Variants in LSM2 observed in about 807,000 individuals in gnomAD.
The protein encoded by LSM2 is LSM2 homolog, U6 small nuclear RNA and mRNA degradation associated, also known as U6 snRNA-associated Sm-like protein LSm2.
Under a neutral mutation model 17.0 loss-of-function variants are expected in LSM2, and 12 were observed. The observed-to-expected ratio is 0.70, with a 90% CI of 0.45 to 1.14. The LOEUF is 1.14. LSM2 is among the 50% of genes most tolerant of loss of function. LSM2 has a pLI of 0.00. For missense variants in LSM2, 62 were observed against 111.8 expected (o/e 0.55, Z 2.01); for synonymous variants, 42 against 44.5 (o/e 0.94, Z 0.22).
chr6:31,806,894 G>T lies in LSM2; in HGVS notation c.-137C>A. Reference sequence around the variant, plus strand: ...GGCGCAGCGGGAAGCGACGCAGAAAGCTCCAAGCGCTGACGGGCAAAGCGC... The same window carrying T: ...GGCGCAGCGGGAAGCGACGCAGAAATCTCCAAGCGCTGACGGGCAAAGCGC... On this transcript the variant is annotated 5_prime_UTR_variant, in exon 1 of 5. Transcript: ENST00000375661. 8.4e-7 allele frequency: 1 copy of T among 1,196,538 alleles called. No individual in the cohort carries two copies. The highest frequency in any genetic ancestry group is 1.1e-6 in the Non-Finnish European group (1 of 875,894). The allele number at this position is 1,196,538 out of a possible 1,614,324, so 74.1% of individuals were successfully genotyped here.
chr6:31,801,455 A>AG (rs1814698224), intron 2 of LSM2, among the ~76,000 whole-genome samples: 2 of 152,258 alleles, frequency 1.3e-5, no homozygotes, highest in Admixed American at 1.3e-4. Context: ...TCCCTTAAGG[A>AG]GGGGGAGATA....
chr6:31,806,819 T>A lies in LSM2; in HGVS notation c.-62A>T, dbSNP rs1359832235. Reference sequence around the variant, plus strand: ...GACAGCAGGGTGCTGCGAGCAGGTCTGGGGAAACCGAAGCGCGAGCCCGCG... The same window carrying A: ...GACAGCAGGGTGCTGCGAGCAGGTCAGGGGAAACCGAAGCGCGAGCCCGCG... On this transcript the variant is annotated 5_prime_UTR_variant, in exon 1 of 5. Coordinates refer to ENST00000375661, the MANE Select transcript of LSM2 (RefSeq NM_021177.5). The A allele has an allele frequency of 6.4e-7, 1 of 1,550,406 alleles. No individual in the cohort carries two copies. The highest frequency in any genetic ancestry group is 1.4e-5 in the African/African-American group (1 of 71,434).
chr6:31,803,827 G>A (rs1288942878), intron 2 of LSM2, among the ~76,000 whole-genome samples: 2 of 151,894 alleles, frequency 1.3e-5, no homozygotes, highest in Non-Finnish European at 1.5e-5. Flanking sequence ...GCATCCACCC[G>A]CCTCGACTTC....
Position 31,806,138 on chromosome 6 carries a change from A to G in LSM2, c.8T>C (p.Phe3Ser). ML[F>S]YSFFKSLVGK... ...CACAAGGGACTTGAAAAAAGAATAG[A>G]AGAGCTATTGGGAGAGAGGGGGAAA... is the stretch of plus-strand genomic sequence containing the variant. The change falls in exon 2 of 5, where the codon TTC (phenylalanine) becomes TCC (serine). Residue 3 changes from phenylalanine to serine, a missense_variant. Transcript: ENST00000375661. 1 of 1,612,858 alleles carries G rather than the reference A, an allele frequency of 6.2e-7. No individual in the cohort carries two copies. Among genetic ancestry groups the G allele is most frequent in the South Asian group, 1.1e-5 (1 of 91,070 alleles).
Position 31,806,785 on chromosome 6 carries a change from G to A in LSM2, c.-28C>T, listed in dbSNP as rs1815067697. 5 of 1,607,720 alleles carry A rather than the reference G, an allele frequency of 3.1e-6. No individual in the cohort carries two copies. The highest frequency in any genetic ancestry group is 2.7e-5 in the African/African-American group (2 of 74,794). On this transcript the variant is annotated 5_prime_UTR_variant, in exon 1 of 5. Transcript: ENST00000375661. ...TGCTGGCGCCGCGGGCAGCGGGCCG[G>A]ACCGGGAAGACAGCAGGGTGCTGCG... is the stretch of plus-strand genomic sequence containing the variant.
At chr6:31,798,435 C>T (rs1378916877) in intron 3 of LSM2, 42 bp downstream of exon 3, 7 of 1,611,736 alleles carry the variant, frequency 4.3e-6, no homozygotes, top group Non-Finnish European at 5.9e-6. Flanking sequence ...TCTCCCCTCT[C>T]CTTCTCCAGG....
Position 31,797,814 on chromosome 6 carries a change from G to A in LSM2, c.231C>T (p.Val77=), listed in dbSNP as rs529554774. 4 of 1,612,960 alleles carry A rather than the reference G, an allele frequency of 2.5e-6. No individual in the cohort carries two copies. Among genetic ancestry groups the A allele is most frequent in the South Asian group, 1.1e-5 (1 of 91,082 alleles). ...VRYVQLPADE[V]DTQLLQDAAR... is the part of the protein sequence containing the mutation. The stretch of plus-strand genomic sequence containing the variant: ...CCGCATCCTGTAGCAACTGTGTGTC[G>A]ACCTCATCTGCTGGCAGCTGCACGT... Residue 77 remains valine, a synonymous_variant, in exon 5 of 5, where the codon GTC becomes GTT. Coordinates refer to ENST00000375661, the MANE Select transcript of LSM2 (RefSeq NM_021177.5).
chr6:31,806,154 G>A lies in LSM2; in HGVS notation c.4-12C>T. On this transcript the variant is annotated splice_polypyrimidine_tract_variant and intron_variant, in intron 1 of 4. Coordinates refer to ENST00000375661, the MANE Select transcript of LSM2 (RefSeq NM_021177.5). ...AAAGAATAGAAGAGCTATTGGGAGA[G>A]AGGGGGAAAACCATCATGTGGGAAG... is the stretch of plus-strand genomic sequence containing the variant. 1 of 1,612,470 alleles carries A rather than the reference G, an allele frequency of 6.2e-7. No individual in the cohort carries two copies. The highest frequency in any genetic ancestry group is 8.5e-7 in the Non-Finnish European group (1 of 1,179,558).
intron 2 of LSM2, among the ~76,000 whole-genome samples, chr6:31,800,436 G>GT (rs1429191563): frequency 6.6e-6 from 1 of 152,132 alleles, no homozygotes; most frequent in Non-Finnish European, 1.5e-5. Flanking sequence ...CCCAATTTTT[G>GT]TAAAATTCTG....
intron 1 of LSM2, chr6:31,806,425 C>CCT (rs927119600): frequency 1.7e-6 from 1 of 599,844 alleles, no homozygotes; most frequent in African/African-American, 1.9e-5. Context: ...TTCTCGGGTA[C>CCT]CTGCCCACTC....
chr6:31,799,457 C>T (rs1814572089), intron 2 of LSM2, among the ~76,000 whole-genome samples: 1 of 152,100 alleles, frequency 6.6e-6, no homozygotes, highest in African/African-American at 2.4e-5. Context: ...CCCAGGTTCA[C>T]GCCATTCTCC....
At chr6:31,806,599 CAG>C (rs2151454547) in intron 1 of LSM2, 154 bp downstream of exon 1, 1 of 998,526 alleles carries the variant, frequency 1.0e-6, no homozygotes, top group East Asian at 2.6e-5. Flanking sequence ...CATTTGTTCT[CAG>C]TGCCTCCTCA....
chr6:31,797,926 C>T, intron 4 of LSM2, 44 bp from the exon 5 acceptor site: 1 of 1,612,668 alleles, frequency 6.2e-7, no homozygotes, highest in African/African-American at 1.3e-5. Flanking sequence ...TAAAAATGTC[C>T]TCTAACCACC....
rs537332910 is a variant in LSM2 at position 31,804,821 on chromosome 6, C to T, written c.71+1254G>A. Reference sequence around the variant, plus strand: ...TTGCTCTGTCACCCAGGCTGGAGTGCGGTGGCACCATCTTGGCTCACTGCA... The same window carrying T: ...TTGCTCTGTCACCCAGGCTGGAGTGTGGTGGCACCATCTTGGCTCACTGCA... On this transcript the variant is annotated intron_variant, in intron 2 of 4. Coordinates refer to ENST00000375661, the MANE Select transcript of LSM2 (RefSeq NM_021177.5). 2.2e-5 allele frequency among the ~76,000 whole-genome samples: 3 copies of T among 134,486 alleles called. No homozygotes were observed. In the South Asian group the frequency reaches 6.9e-4, roughly 31 times the overall value. 88.2% of individuals were successfully genotyped at this position (134,486 alleles called of 152,430 possible).
At chr6:31,803,914 A>G (rs565078880) in intron 2 of LSM2, among the ~76,000 whole-genome samples, 3 of 152,210 alleles carry the variant, frequency 2.0e-5, no homozygotes, top group Non-Finnish European at 4.4e-5. Context: ...CTGTACAGAT[A>G]AGTACAGGGC....
At chr6:31,805,293 C>T (rs981307901) in intron 2 of LSM2, among the ~76,000 whole-genome samples, 3 of 151,814 alleles carry the variant, frequency 2.0e-5, no homozygotes, top group Non-Finnish European at 4.4e-5. Flanking sequence ...ATCCTGGACT[C>T]AAGTGATCCT....
intron 2 of LSM2, among the ~76,000 whole-genome samples, chr6:31,800,325 G>A (rs1431979579): frequency 6.6e-6 from 1 of 152,144 alleles, no homozygotes; most frequent in Non-Finnish European, 1.5e-5. Context: ...GACAGAGTGA[G>A]ACTCCATCTC....
chr6:31,798,206 C>T (rs1175097066), intron 3 of LSM2, among the ~76,000 whole-genome samples, 157 bp from the exon 4 acceptor site: 1 of 151,958 alleles, frequency 6.6e-6, no homozygotes, highest in Non-Finnish European at 1.5e-5. Context: ...CTCAGCCTCT[C>T]GACTAGCTGG....
At chr6:31,800,885 C>CA (rs35058284) in intron 2 of LSM2, among the ~76,000 whole-genome samples, 6,107 of 124,386 alleles carry the variant, frequency 0.049, 165 homozygotes, top group South Asian at 0.099. Flanking sequence ...GACTCCGTCT[C>CA]AAAAAAAAAA....
Sources: allele counts gnomAD v4.1 joint callset (sites outside exome capture counted in the v4.1 genomes callset), GRCh38; gene constraint gnomAD v4.1.1; transcripts MANE v1.5; gene names NCBI Gene and HGNC (gene_info 2026-07-23, HGNC 2026-07-21).